The following LRRC70 variants were observed in gnomAD, a reference collection of about 807,000 sequenced individuals.
LRRC70 encodes the protein leucine-rich repeat-containing protein 70.
In LRRC70, 31 loss-of-function variants were observed where a neutral mutation model predicts 42.4. That is an observed-to-expected ratio of 0.73 (90% CI 0.55 to 0.99). LRRC70 has a LOEUF of 0.99. Among genes scored for constraint, LRRC70 ranks in the 50% least tolerant of loss-of-function variants. LRRC70 has a pLI of 0.00. For missense variants in LRRC70, 643 were observed against 707.5 expected (o/e 0.91, Z 1.03); for synonymous variants, 270 against 262.9 (o/e 1.03, Z -0.26).
Position 62,579,919 on chromosome 5 carries a change from T to C in LRRC70, c.481T>C (p.Leu161=), listed in dbSNP as rs1328300799. 1 of 1,551,318 alleles carries C rather than the reference T, an allele frequency of 6.4e-7. No homozygotes were observed. The highest frequency in any genetic ancestry group is 2.4e-5 in the East Asian group (1 of 40,892). The change falls in exon 2 of 2, where the codon TTA becomes CTA. Residue 161 remains leucine, a synonymous_variant. Transcript: ENST00000334994. Reference sequence around the variant, plus strand: ...TAATGATCTAGTTTCAGTTCAGTACTTAAATCTACAAAGGAATCGCCTCAC... The same window carrying C: ...TAATGATCTAGTTTCAGTTCAGTACCTAAATCTACAAAGGAATCGCCTCAC... ...VFNDLVSVQY[L]NLQRNRLTVL... is the part of the protein sequence containing the mutation.
Position 62,580,077 on chromosome 5 carries a change from T to G in LRRC70, c.639T>G (p.Ser213Arg). 3 of 1,551,102 alleles carry G rather than the reference T, an allele frequency of 1.9e-6. No homozygotes were observed. The highest frequency in any genetic ancestry group is 2.6e-6 in the Non-Finnish European group (3 of 1,146,662). The change falls in exon 2 of 2, where the codon AGT becomes AGG. Residue 213 changes from serine to arginine, a missense_variant. Physicochemically the swap from Ser to Arg is moderately radical, Grantham distance 110 (BLOSUM62 -1). Coordinates refer to ENST00000334994, the MANE Select transcript of LRRC70 (RefSeq NM_181506.5). ...ACCTTGCTTGTTTGTATTTAGGAAG[T>G]AATAATTTAACAAAAGTACCATCAA... ...LENLACLYLGSNNLTKVPSNA... is the reference protein window; with the variant it reads ...LENLACLYLGRNNLTKVPSNA...
rs1211347407 is a variant in LRRC70 at position 62,579,819 on chromosome 5, A to G, written c.381A>G (p.Ile127Met). The change falls in exon 2 of 2, where the codon ATA becomes ATG. Residue 127 changes from isoleucine (I) to methionine (M), a missense_variant. Physicochemically the swap from Ile to Met is conservative, Grantham distance 10. Coordinates refer to ENST00000334994, the MANE Select transcript of LRRC70 (RefSeq NM_181506.5). ...NNFIKRLDPG[I>M]FKGLLNLRNL... ...TCATCAAACGCTTAGATCCTGGAAT[A>G]TTTAAGGGACTTTTAAATCTTCGTA... 1 of 1,546,976 alleles carries G rather than the reference A, an allele frequency of 6.5e-7. No homozygotes were observed. The highest frequency in any genetic ancestry group is 2.4e-5 in the East Asian group (1 of 40,848).
In LRRC70 at chr5:62,580,332, G is replaced by T. The variant is rs1452957738; in HGVS notation, c.894G>T (p.Leu298Phe). 1 of 1,539,606 alleles carries T rather than the reference G, an allele frequency of 6.5e-7. No homozygotes were observed. The highest frequency in any genetic ancestry group is 1.4e-5 in the African/African-American group (1 of 72,824). Reference protein sequence around the residue: ...LENLNSDTFSLLKNLIYLKLD... With the variant: ...LENLNSDTFSFLKNLIYLKLD... ...ATTTAAATTCTGACACATTCAGTTT[G>T]TTAAAGAATTTAATTTACCTTAAGT... Residue 298 changes from leucine to phenylalanine, a missense_variant, in exon 2 of 2, where the codon TTG becomes TTT. Transcript: ENST00000334994.
intron 1 of LRRC70, 76 bp downstream of exon 1, chr5:62,579,011 TAATTG>T (rs1744433349): frequency 4.1e-6 from 1 of 242,066 alleles, no homozygotes; most frequent in Non-Finnish European, 8.2e-6. Flanking sequence ...ATTTAGAATT[TAATTG>T]TTCTGTAGTG....
At position 62,581,181 on chromosome 5, in the gene LRRC70, T is replaced by C. The variant is rs1487125256; in HGVS notation, c.1743T>C (p.Thr581=). Residue 581 remains threonine (T), a synonymous_variant, in exon 2 of 2, where the codon ACT becomes ACC. Coordinates refer to ENST00000334994, the MANE Select transcript of LRRC70 (RefSeq NM_181506.5). ...ATCAGTCAGCAAGGTATAATGTAAC[T>C]GCCTCAATTTGTAACACTTCCCCAA... ...SFYQSARYNV[T]ASICNTSPNS... The C allele has an allele frequency of 3.2e-6, 5 of 1,551,082 alleles. No homozygotes were observed. Among genetic ancestry groups the C allele is most frequent in the Admixed American group, 2.0e-5 (1 of 50,938 alleles).
chr5:62,580,513 A>G lies in LRRC70; in HGVS notation c.1075A>G (p.Asn359Asp). Residue 359 changes from asparagine to aspartate, a missense_variant, in exon 2 of 2, where the codon AAT becomes GAT. Asn to Asp is a conservative substitution (Grantham distance 23). Coordinates refer to ENST00000334994, the MANE Select transcript of LRRC70 (RefSeq NM_181506.5). ...ATTGATTCATCTTCAGGCAAATTCTAATCCTTGGGAATGTAACTGCAAACT... is the reference window on the plus strand; with the variant it reads ...ATTGATTCATCTTCAGGCAAATTCTGATCCTTGGGAATGTAACTGCAAACT... ...SSLIHLQANS[N>D]PWECNCKLLG... 6.4e-7 allele frequency: 1 copy of G among 1,551,434 alleles called. No homozygotes were observed. The highest frequency in any genetic ancestry group is 2.0e-5 in the Admixed American group (1 of 50,972).
In LRRC70 at chr5:62,579,638, T is replaced by C; in HGVS notation, c.200T>C (p.Leu67Pro). 6.5e-7 allele frequency: 1 copy of C among 1,549,666 alleles called. No individual in the cohort carries two copies. The highest frequency in any genetic ancestry group is 8.7e-7 in the Non-Finnish European group (1 of 1,145,856). ...NFPESTVFLY[L>P]TGNNISYINE... is the part of the protein sequence containing the mutation. ...CCTGAAAGTACAGTTTTTCTGTATC[T>C]GACTGGGAATAATATATCTTATATA... The change falls in exon 2 of 2, where the codon CTG (leucine) becomes CCG (proline). Residue 67 changes from leucine to proline, a missense_variant. Physicochemically the swap from Leu to Pro is moderately conservative, Grantham distance 98. Transcript: ENST00000334994.
rs1744518208 is a variant in LRRC70 at position 62,580,712 on chromosome 5, A to T, written c.1274A>T (p.His425Leu). 6.4e-7 allele frequency: 1 copy of T among 1,551,468 alleles called. No homozygotes were observed. The highest frequency in any genetic ancestry group is 8.7e-7 in the Non-Finnish European group (1 of 1,146,838). Residue 425 changes from histidine (H) to leucine (L), a missense_variant, in exon 2 of 2, where the codon CAC becomes CTC. By Grantham distance (99) the His-to-Leu change is moderately conservative. Transcript: ENST00000334994. Reference protein sequence around the residue: ...WAVVKSPHIHHKTTALMMAWH... With the variant: ...WAVVKSPHIHLKTTALMMAWH... ...GTTGTAAAATCTCCTCATATTCATC[A>T]CAAGACTACTGCGCTAATGATGGCC...
chr5:62,580,423 A>T lies in LRRC70; in HGVS notation c.985A>T (p.Ile329Phe). Residue 329 changes from isoleucine (I) to phenylalanine (F), a missense_variant, in exon 2 of 2, where the codon ATC (isoleucine) becomes TTC (phenylalanine). Physicochemically the swap from Ile to Phe is conservative, Grantham distance 21. Transcript: ENST00000334994. The stretch of plus-strand genomic sequence containing the variant: ...TGAAAATATGGGAGCATCTTTGAAG[A>T]TCCTTAATCTGTCATTTAATAATCT... ...TFENMGASLK[I>F]LNLSFNNLTA... is the part of the protein sequence containing the mutation. 1.3e-6 allele frequency: 2 copies of T among 1,551,384 alleles called. No homozygotes were observed. Among genetic ancestry groups the T allele is most frequent in the South Asian group, 2.4e-5 (2 of 84,060 alleles).
rs1163202765 is a variant in LRRC70 at position 62,579,700 on chromosome 5, G to C, written c.262G>C (p.Ala88Pro). Residue 88 changes from alanine to proline, a missense_variant, in exon 2 of 2, where the codon GCA becomes CCA. Transcript: ENST00000334994. ...SELTGLHSLV[A>P]LYLDNSNILY... The stretch of plus-strand genomic sequence containing the variant: ...ATTAACAGGACTTCATTCTCTTGTA[G>C]CATTGTATTTGGATAATTCTAACAT... 5 of 1,548,434 alleles carry C rather than the reference G, an allele frequency of 3.2e-6. No individual in the cohort carries two copies. Among genetic ancestry groups the C allele is most frequent in the Non-Finnish European group, 4.4e-6 (5 of 1,145,482 alleles).
rs75596023 is a variant in LRRC70 at position 62,579,250 on chromosome 5, A to G, written c.-38-151A>G. On this transcript the variant is annotated intron_variant, in intron 1 of 1. Coordinates refer to ENST00000334994, the MANE Select transcript of LRRC70 (RefSeq NM_181506.5). ...TTAATAATTCTAGAACGTATTCCAT[A>G]CTCATTATTTTTTGCTATTACCATG... Among the ~76,000 whole-genome samples the G allele has an allele frequency of 5.0e-3, 766 of 152,080 alleles. 7 individuals carry two copies. The highest frequency in any genetic ancestry group is 0.017 in the African/African-American group (722 of 41,498).
At chr5:62,579,022 T>C (rs1401965458) in intron 1 of LRRC70, 87 bp downstream of exon 1, 6 of 242,826 alleles carry the variant, frequency 2.5e-5, no homozygotes, top group African/African-American at 1.4e-4. Context: ...AATTGTTCTG[T>C]AGTGAATTTG....
In LRRC70 at chr5:62,579,438, T is replaced by A; in HGVS notation, c.-1T>A. 1 of 1,550,698 alleles carries A rather than the reference T, an allele frequency of 6.4e-7. No homozygotes were observed. The highest frequency in any genetic ancestry group is 8.7e-7 in the Non-Finnish European group (1 of 1,146,252). ...TGAACAGAAAATCCAAGAACAGGGA[T>A]ATGTGTGGATTACAGTTTTCTCTGC... is the stretch of plus-strand genomic sequence containing the variant. On this transcript the variant is annotated 5_prime_UTR_variant, in exon 2 of 2. Transcript: ENST00000334994.
rs1156240679 is a variant in LRRC70 at position 62,580,476 on chromosome 5, G to T, written c.1038G>T (p.Lys346Asn). The change falls in exon 2 of 2, where the codon AAG becomes AAT. Residue 346 changes from lysine to asparagine, a missense_variant. Lys to Asn is a moderately conservative substitution (Grantham distance 94). Coordinates refer to ENST00000334994, the MANE Select transcript of LRRC70 (RefSeq NM_181506.5). The part of the protein sequence containing the change: ...NLTALHPRVL[K>N]PLSSLIHLQA... ...CAGCCTTGCATCCAAGGGTCCTTAA[G>T]CCGTTGTCTTCATTGATTCATCTTC... The T allele has an allele frequency of 1.9e-6, 3 of 1,551,374 alleles. No individual in the cohort carries two copies. The highest frequency in any genetic ancestry group is 2.6e-6 in the Non-Finnish European group (3 of 1,146,810).
At position 62,580,293 on chromosome 5, in the gene LRRC70, T is replaced by C. The variant is rs963920439; in HGVS notation, c.855T>C (p.His285=). 1.0e-5 allele frequency: 16 copies of C among 1,538,122 alleles called. No individual in the cohort carries two copies. The highest frequency in any genetic ancestry group is 1.4e-5 in the Non-Finnish European group (16 of 1,134,808). The change falls in exon 2 of 2, where the codon CAT becomes CAC. Residue 285 remains histidine, a synonymous_variant. Coordinates refer to ENST00000334994, the MANE Select transcript of LRRC70 (RefSeq NM_181506.5). ...ATCTTAAACATTTGATCTTAAGTCA[T>C]AATGATTTAGAGAATTTAAATTCTG... ...INNLKHLILS[H]NDLENLNSDT...
Position 62,580,791 on chromosome 5 carries a change from C to T in LRRC70, c.1353C>T (p.Asn451=). The T allele has an allele frequency of 6.4e-6, 10 of 1,551,414 alleles. No homozygotes were observed. Among genetic ancestry groups the T allele is most frequent in the Non-Finnish European group, 8.7e-6 (10 of 1,146,870 alleles). The change falls in exon 2 of 2, where the codon AAC becomes AAT. Residue 451 remains asparagine (N), a synonymous_variant. Transcript: ENST00000334994. ...CTCTGGAAAATACTGAGACTGAGAA[C>T]ATTACTTTCTGGGAACGAATTCCTA... is the stretch of plus-strand genomic sequence containing the variant. The part of the protein sequence containing the change: ...GSPLENTETE[N]ITFWERIPTS...
At position 62,579,703 on chromosome 5, in the gene LRRC70, T is replaced by C; in HGVS notation, c.265T>C (p.Leu89=). ...AACAGGACTTCATTCTCTTGTAGCA[T>C]TGTATTTGGATAATTCTAACATTCT... is the stretch of plus-strand genomic sequence containing the variant. ...ELTGLHSLVA[L]YLDNSNILYV... Residue 89 remains leucine (L), a synonymous_variant, in exon 2 of 2, where the codon TTG becomes CTG. Coordinates refer to ENST00000334994, the MANE Select transcript of LRRC70 (RefSeq NM_181506.5). The C allele has an allele frequency of 6.5e-7, 1 of 1,548,626 alleles. No individual in the cohort carries two copies. Among genetic ancestry groups the C allele is most frequent in the Middle Eastern group, 1.7e-4 (1 of 5,964 alleles).
Position 62,580,408 on chromosome 5 carries a change from G to T in LRRC70, c.970G>T (p.Gly324Ter), listed in dbSNP as rs1313840796. ...TGATAATGATACATTTGAAAATATG[G>T]GAGCATCTTTGAAGATCCTTAATCT... is the stretch of plus-strand genomic sequence containing the variant. ...SIDNDTFENM[G>*]ASLKILNLSF... Residue 324 changes from glycine to a stop codon, truncating the protein, a stop_gained, in exon 2 of 2, where the codon GGA (glycine) becomes TGA (stop). Transcript: ENST00000334994. LOFTEE classifies it high-confidence loss of function. The T allele has an allele frequency of 6.4e-7, 1 of 1,550,982 alleles. No homozygotes were observed.
At position 62,579,473 on chromosome 5, in the gene LRRC70, G is replaced by A. The variant is rs929517463; in HGVS notation, c.35G>A (p.Arg12Gln). ...TTACAGTTTTCTCTGCCTTGCCTAC[G>A]ACTGTTTCTGGTTGTTACCTGTTAT... ...CGLQFSLPCL[R>Q]LFLVVTCYLL... The change falls in exon 2 of 2, where the codon CGA (arginine) becomes CAA (glutamine). Residue 12 changes from arginine to glutamine, a missense_variant. Arg to Gln is a conservative substitution (Grantham distance 43). Transcript: ENST00000334994. The A allele has an allele frequency of 1.3e-6, 2 of 1,550,768 alleles. No individual in the cohort carries two copies. The highest frequency in any genetic ancestry group is 1.7e-6 in the Non-Finnish European group (2 of 1,146,392).
Sources: gnomAD v4.1 joint callset for allele counts (sites outside exome capture counted in the v4.1 genomes callset) on GRCh38, gnomAD v4.1.1 for gene constraint, MANE v1.5 for transcripts, NCBI Gene and HGNC (gene_info 2026-07-23, HGNC 2026-07-21) for gene names.